ACTN1: variants seen among roughly 807,000 people sequenced by gnomAD.
ACTN1 encodes alpha-actinin-1.
ACTN1 carries 30 observed loss-of-function variants against 119.6 expected under a neutral mutation model. That is an observed-to-expected ratio of 0.25 (90% CI 0.19 to 0.34). The LOEUF is 0.34. Ranked by LOEUF, ACTN1 falls within the 10% of genes least tolerant of loss-of-function variation. The pLI is 1.00. For synonymous variants in ACTN1, 429 were observed against 472.6 expected (o/e 0.91, Z 1.20); for missense variants, 764 against 1,223.4 (o/e 0.62, Z 5.60).
rs1054646353 is a variant in ACTN1, at chr14:68,887,700, A to G, written c.1235-2125T>C. On this transcript the variant is annotated intron_variant, in intron 11 of 21. Coordinates refer to ENST00000394419, the MANE Select transcript of ACTN1 (RefSeq NM_001130004.2). ...TTTCTAGAGCTACTAAAAAGCTTGCATTTACAAAATAGTTGATAAAAAATA... is the reference window on the plus strand; with the variant it reads ...TTTCTAGAGCTACTAAAAAGCTTGCGTTTACAAAATAGTTGATAAAAAATA... The G allele has an allele frequency of 4.4e-6, 6 of 1,374,452 alleles. No individual in the cohort carries two copies. In the African/African-American group the frequency reaches 8.7e-5, roughly 20 times the overall value. The allele number at this position is 1,374,452 out of a possible 1,614,324, so 85.1% of individuals were successfully genotyped here.
rs528120816 is a variant in ACTN1, at chr14:68,958,312, A to C, written c.105+20640T>G. Among the ~76,000 whole-genome samples, 17 of 152,306 alleles carry C rather than the reference A, an allele frequency of 1.1e-4. 1 individual carries two copies. In the South Asian group the frequency reaches 2.5e-3, roughly 22 times the overall value. On this transcript the variant is annotated intron_variant, in intron 1 of 21. Transcript: ENST00000394419. ...GGAAAATCAGGTGCCCCATGCACCT[A>C]GACAGACTACTAGCAGGGGACTGTC...
chr14:68,894,707 G>C (rs1259653453), intron 8 of ACTN1, among the ~76,000 whole-genome samples: 1 of 152,060 alleles, frequency 6.6e-6, no homozygotes, highest in East Asian at 1.9e-4. Flanking sequence ...CCTGGGGGTG[G>C]GAGAAGATGA....
intron 1 of ACTN1, among the ~76,000 whole-genome samples, chr14:68,968,937 C>T (rs1462563109): frequency 6.6e-6 from 1 of 152,130 alleles, no homozygotes; most frequent in Admixed American, 6.5e-5. Context: ...CCAGGGCCAG[C>T]AATGTGGGCC....
intron 1 of ACTN1, among the ~76,000 whole-genome samples, chr14:68,955,677 G>A (rs974217492): frequency 2.0e-5 from 3 of 152,162 alleles, no homozygotes; most frequent in African/African-American, 7.2e-5. Context: ...GGGCAGGGTG[G>A]GCCACCTGCC....
At chr14:68,927,652 C>T (rs1028410987) in intron 1 of ACTN1, among the ~76,000 whole-genome samples, 3 of 152,132 alleles carry the variant, frequency 2.0e-5, no homozygotes, top group African/African-American at 7.2e-5. Context: ...CAGAAGACAG[C>T]TCGGAGGAAA....
intron 1 of ACTN1, among the ~76,000 whole-genome samples, chr14:68,968,602 G>C (rs1480464877): frequency 3.9e-5 from 6 of 152,232 alleles, no homozygotes; most frequent in Non-Finnish European, 8.8e-5. Context: ...CGGGATCAGG[G>C]AGAACACTGC....
intron 1 of ACTN1, among the ~76,000 whole-genome samples, chr14:68,934,994 T>G (rs1436067964): frequency 6.6e-6 from 1 of 152,226 alleles, no homozygotes; most frequent in Non-Finnish European, 1.5e-5. Context: ...GTTTTACAGT[T>G]GTCTGTAAAT....
At chr14:68,912,123 G>C in intron 4 of ACTN1, 33 bp downstream of exon 4, 1 of 1,603,418 alleles carries the variant, frequency 6.2e-7, no homozygotes, top group Non-Finnish European at 8.5e-7. Context: ...AGACGAGATG[G>C]TGATGGCGGG....
intron 10 of ACTN1, among the ~76,000 whole-genome samples, 180 bp from the exon 11 acceptor site, chr14:68,890,466 C>T (rs2032390294): frequency 2.6e-5 from 4 of 152,186 alleles, no homozygotes. Context: ...CTGGTATTTT[C>T]TGGGCTCCCA....
At chr14:68,912,480 G>A (rs1454527204) in intron 3 of ACTN1, among the ~76,000 whole-genome samples, 1 of 152,136 alleles carries the variant, frequency 6.6e-6, no homozygotes, top group Non-Finnish European at 1.5e-5. Flanking sequence ...CTGGGCTCAA[G>A]CGATCCTCCC....
At chr14:68,955,893 C>T (rs921437020) in intron 1 of ACTN1, among the ~76,000 whole-genome samples, 13 of 152,188 alleles carry the variant, frequency 8.5e-5, no homozygotes, top group Admixed American at 7.2e-4. Flanking sequence ...GGGGGTTTGG[C>T]GTCCAGAAGA....
At chr14:68,943,728 G>A (rs1002937993) in intron 1 of ACTN1, among the ~76,000 whole-genome samples, 2 of 152,148 alleles carry the variant, frequency 1.3e-5, no homozygotes, top group East Asian at 1.9e-4. Flanking sequence ...CATCACCCAC[G>A]AGGCATGCGC....
chr14:68,957,722 C>T (rs184211272), intron 1 of ACTN1, among the ~76,000 whole-genome samples: 17 of 152,238 alleles, frequency 1.1e-4, no homozygotes, highest in Admixed American at 6.5e-4. Flanking sequence ...ACAACCAGTA[C>T]CCTGGTCAAG....
intron 7 of ACTN1, 51 bp from the exon 8 acceptor site, chr14:68,902,613 C>A (rs1408854193): frequency 6.6e-7 from 1 of 1,507,434 alleles, no homozygotes; most frequent in Non-Finnish European, 9.2e-7. Context: ...GAACACCATA[C>A]ACCCCCGACG....
At chr14:68,945,392 G>A (rs368233290) in intron 1 of ACTN1, among the ~76,000 whole-genome samples, 1 of 152,152 alleles carries the variant, frequency 6.6e-6, no homozygotes, top group African/African-American at 2.4e-5. Flanking sequence ...GGAAGTCACC[G>A]AAGACATTTT....
chr14:68,909,320 T>C lies in ACTN1; in HGVS notation c.592A>G (p.Lys198Glu). ...GGTGGTCAGGTGGGCACACATACCT[T>C]CCGCAGCTTCCCGTAGTCAATCAGC... ...PELIDYGKLR[K>E]DDPLTNLNTA... The change falls in exon 6 of 22, where the codon AAG (lysine) becomes GAG (glutamate). Residue 198 changes from lysine (K) to glutamate (E), a missense_variant and splice_region_variant. Coordinates refer to ENST00000394419, the MANE Select transcript of ACTN1 (RefSeq NM_001130004.2). This position sits in a 1 kb window ranked among gnomAD's most constrained non-coding sequence, Gnocchi z 4.1. 6.2e-7 allele frequency: 1 copy of C among 1,613,630 alleles called. No individual in the cohort carries two copies. Among genetic ancestry groups the C allele is most frequent in the Non-Finnish European group, 8.5e-7 (1 of 1,179,908 alleles).
At position 68,880,211 on chromosome 14, in the gene ACTN1, C is replaced by T. The variant is rs1412706424; in HGVS notation, c.2134-103G>A. ...CAACCATCAAAATGGCCAAAGCCAT[C>T]AAACTTGGCCTTCTGTGTGGCTGAG... On this transcript the variant is annotated intron_variant, in intron 17 of 21. Transcript: ENST00000394419. This position sits in a 1 kb window ranked among gnomAD's most constrained non-coding sequence, Gnocchi z 4.6. The T allele has an allele frequency of 7.0e-7, 1 of 1,425,322 alleles. No homozygotes were observed. Among genetic ancestry groups the T allele is most frequent in the East Asian group, 2.3e-5 (1 of 42,642 alleles). The allele number at this position is 1,425,322 out of a possible 1,614,324, so 88.3% of individuals were successfully genotyped here. A position where few individuals can be genotyped will look rare whatever the true frequency, so the allele number is the denominator to read the frequency against.
chr14:68,881,174 C>T (rs2031472902), intron 16 of ACTN1, 185 bp from the exon 17 acceptor site: 4 of 585,506 alleles, frequency 6.8e-6, no homozygotes, highest in Non-Finnish European at 1.2e-5. Context: ...GGTATGGAAA[C>T]AGCACCACAG....
chr14:68,891,908 G>T, intron 10 of ACTN1, 145 bp downstream of exon 10: 1 of 1,096,238 alleles, frequency 9.1e-7, no homozygotes, highest in Non-Finnish European at 1.3e-6. Flanking sequence ...ACTGGAAGGG[G>T]GAAGTGACTT....
Sources: allele counts gnomAD v4.1 joint callset (sites outside exome capture counted in the v4.1 genomes callset), GRCh38; gene constraint gnomAD v4.1.1; non-coding constraint Gnocchi (gnomAD v3.1); transcripts MANE v1.5; gene names NCBI Gene and HGNC (gene_info 2026-07-23, HGNC 2026-07-21).